Variants in MBTPS1 observed in about 807,000 individuals in gnomAD.
MBTPS1 encodes the protein membrane bound transcription factor peptidase, site 1.
In MBTPS1, 94 loss-of-function variants were observed where a neutral mutation model predicts 127.8. The ratio of observed to expected loss-of-function variants is 0.74; its 90% CI spans 0.62 to 0.87. The LOEUF (loss-of-function observed/expected upper bound fraction) is 0.87, where lower values mean the gene tolerates loss of function less well. Ranked by LOEUF, MBTPS1 falls within the 40% of genes least tolerant of loss-of-function variation. MBTPS1 has a pLI of 0.00. For missense variants in MBTPS1, 1,636 were observed against 1,353.2 expected (o/e 1.21, Z -3.28); for synonymous variants, 632 against 509.4 (o/e 1.24, Z -3.24).
intron 1 of MBTPS1, among the ~76,000 whole-genome samples, chr16:84,104,313 T>C (rs565416785): frequency 6.6e-6 from 1 of 152,124 alleles, no homozygotes; most frequent in South Asian, 2.1e-4. Context: ...AAACCTCATC[T>C]CTACAAAAAA....
intron 1 of MBTPS1, among the ~76,000 whole-genome samples, chr16:84,115,362 T>G (rs571993618): frequency 6.6e-5 from 10 of 152,300 alleles, no homozygotes; most frequent in Admixed American, 3.9e-4. Context: ...TTATACGGGG[T>G]GCCTGGGGAG....
intron 20 of MBTPS1, chr16:84,060,467 C>A: frequency 1.9e-6 from 1 of 518,644 alleles, no homozygotes; most frequent in Non-Finnish European, 3.4e-6. Flanking sequence ...AGCAGCTGCA[C>A]ACTGGGTCCT....
chr16:84,095,895 AT>A, intron 3 of MBTPS1, 90 bp from the exon 4 acceptor site: 1 of 1,037,326 alleles, frequency 9.6e-7, no homozygotes, highest in Non-Finnish European at 1.5e-6. Flanking sequence ...CACAGGGAGG[AT>A]TACCATTTGC....
At chr16:84,071,510 G>A (rs1253325190) in intron 12 of MBTPS1, among the ~76,000 whole-genome samples, 1 of 152,190 alleles carries the variant, frequency 6.6e-6, no homozygotes, top group African/African-American at 2.4e-5. Flanking sequence ...GAAGAAAAGG[G>A]ATTTTTAAAG....
rs2085481965 is a variant in MBTPS1, at chr16:84,054,243, C to G, written c.*206G>C. ...TCACTGGCGGCAGAGCCACTAAGTC[C>G]CTCCTGACGGGATCCACAGGAATCT... is the stretch of plus-strand genomic sequence containing the variant. On this transcript the variant is annotated 3_prime_UTR_variant, in exon 23 of 23. Coordinates refer to ENST00000343411, the MANE Select transcript of MBTPS1 (RefSeq NM_003791.4). The G allele has an allele frequency of 2.5e-6, 1 of 402,372 alleles. No individual in the cohort carries two copies. Among genetic ancestry groups the G allele is most frequent in the Non-Finnish European group, 4.4e-6 (1 of 227,754 alleles). 24.9% of individuals were successfully genotyped at this position (402,372 alleles called of 1,614,324 possible). A position where few individuals can be genotyped will look rare whatever the true frequency, so the allele number is the denominator to read the frequency against.
rs2086043150 is a variant in MBTPS1 at position 84,087,344 on chromosome 16, A to G, written c.1134+14T>C. On this transcript the variant is annotated intron_variant, in intron 9 of 22. Transcript: ENST00000343411. ...GTCCAGCTAAATACAATTATTTAGC[A>G]AAGAAGAGCGTACCCAGGTAGTCAT... 1 of 1,597,888 alleles carries G rather than the reference A, an allele frequency of 6.3e-7. No homozygotes were observed. Among genetic ancestry groups the G allele is most frequent in the Non-Finnish European group, 8.6e-7 (1 of 1,165,448 alleles).
intron 8 of MBTPS1, among the ~76,000 whole-genome samples, chr16:84,087,948 T>C (rs994867266): frequency 2.0e-5 from 3 of 152,092 alleles, no homozygotes; most frequent in Non-Finnish European, 2.9e-5. Context: ...GGTCAGGAAG[T>C]GGTAAGTTTT....
chr16:84,060,811 A>G lies in MBTPS1; in HGVS notation c.2575T>C (p.Cys859Arg). The G allele has an allele frequency of 6.4e-7, 1 of 1,572,518 alleles. No homozygotes were observed. Reference protein sequence around the residue: ...CLDDSHRQKDCFWLLDALLQY... With the variant: ...CLDDSHRQKDRFWLLDALLQY... Reference sequence around the variant, plus strand: ...AGGAGGGCATCCAGAAGCCAAAAGCAGTCTGCGAAGTCAACAAGCCTGTTT... The same window carrying G: ...AGGAGGGCATCCAGAAGCCAAAAGCGGTCTGCGAAGTCAACAAGCCTGTTT... The change falls in exon 20 of 23, where the codon TGC becomes CGC. Residue 859 changes from cysteine (C) to arginine (R), a missense_variant and splice_region_variant. Transcript: ENST00000343411.
At chr16:84,112,652 A>ATGC (rs1352390293) in intron 1 of MBTPS1, among the ~76,000 whole-genome samples, 1 of 131,568 alleles carries the variant, frequency 7.6e-6, no homozygotes, top group African/African-American at 2.9e-5. Context: ...ACAGAGCGAG[A>ATGC]CTCGGTCTCA....
At chr16:84,056,962 AG>A (rs1364729105) in intron 21 of MBTPS1, 4 of 152,258 alleles carry the variant, frequency 2.6e-5, no homozygotes. Context: ...GGAAGAATAC[AG>A]TAAGTTTGCA....
chr16:84,074,873 G>A (rs1443088613), intron 11 of MBTPS1, 132 bp from the exon 12 acceptor site: 13 of 751,654 alleles, frequency 1.7e-5, no homozygotes, highest in Non-Finnish European at 2.7e-5. Context: ...GCCCTAGGCT[G>A]GCATCTGGGA....
At chr16:84,074,958 C>A in intron 11 of MBTPS1, 1 of 380,800 alleles carries the variant, frequency 2.6e-6, no homozygotes, top group Non-Finnish European at 4.7e-6. Flanking sequence ...GTGTGATGTG[C>A]AGGGACACCT....
intron 12 of MBTPS1, among the ~76,000 whole-genome samples, chr16:84,073,899 G>A (rs542093580): frequency 6.6e-6 from 1 of 152,082 alleles, no homozygotes; most frequent in African/African-American, 2.4e-5. Context: ...CCAGATACCT[G>A]GGAGGCTGAG....
At chr16:84,072,448 G>A (rs1025520206) in intron 12 of MBTPS1, among the ~76,000 whole-genome samples, 2 of 152,166 alleles carry the variant, frequency 1.3e-5, no homozygotes, top group African/African-American at 4.8e-5. Flanking sequence ...TTCACGATAC[G>A]TGGATTTTAT....
chr16:84,085,842 G>A (rs2086014537), intron 9 of MBTPS1: 1 of 151,828 alleles, frequency 6.6e-6, no homozygotes, highest in Admixed American at 6.6e-5. Flanking sequence ...AGAAAAATTA[G>A]AAAATTAAAA....
chr16:84,067,895 G>T, intron 15 of MBTPS1, 72 bp from the exon 16 acceptor site: 4 of 1,445,902 alleles, frequency 2.8e-6, no homozygotes, highest in Non-Finnish European at 3.8e-6. Flanking sequence ...CAGAAACAGT[G>T]TCACCAGGTA....
At chr16:84,089,465 T>C (rs1409847382) in intron 8 of MBTPS1, among the ~76,000 whole-genome samples, 1 of 152,254 alleles carries the variant, frequency 6.6e-6, no homozygotes, top group Non-Finnish European at 1.5e-5. Flanking sequence ...TATTAGGCAA[T>C]AATAAACTGC....
intron 3 of MBTPS1, among the ~76,000 whole-genome samples, chr16:84,097,137 G>A (rs534444516): frequency 2.6e-5 from 4 of 152,220 alleles, no homozygotes; most frequent in South Asian, 4.1e-4. Context: ...TTTAACTACT[G>A]TCACGCAGAA....
At chr16:84,095,237 GC>G (rs1567497565) in intron 4 of MBTPS1, among the ~76,000 whole-genome samples, 1 of 152,198 alleles carries the variant, frequency 6.6e-6, no homozygotes, top group East Asian at 1.9e-4. Context: ...ACTTCTGCAG[GC>G]CTGTCGGTCA....
Sources: allele counts gnomAD v4.1 joint callset (sites outside exome capture counted in the v4.1 genomes callset), GRCh38; gene constraint gnomAD v4.1.1; transcripts MANE v1.5; gene names NCBI Gene and HGNC (gene_info 2026-07-23, HGNC 2026-07-21).